EVI5L: variants seen among roughly 807,000 people sequenced by gnomAD.
EVI5L encodes ecotropic viral integration site 5 like, also known as EVI5-like protein.
Under a neutral mutation model 106.1 loss-of-function variants are expected in EVI5L, and 30 were observed. The observed-to-expected ratio is 0.28, with a 90% CI of 0.21 to 0.38. The LOEUF is 0.38. Ranked by LOEUF, EVI5L falls within the 10% of genes least tolerant of loss-of-function variation. The probability of loss-of-function intolerance (pLI) is 1.00; values close to 1 mark genes in which losing one functional copy is unlikely to be tolerated. For missense variants in EVI5L, 809 were observed against 1,098.0 expected, an observed-to-expected ratio of 0.74 and a Z score of 3.72; for synonymous variants, 489 against 483.3, an observed-to-expected ratio of 1.01 and a Z score of -0.15.
In EVI5L at chr19:7,857,484, C is replaced by T; in HGVS notation, c.1233+360C>T. On this transcript the variant is annotated intron_variant, in intron 12 of 19. Transcript: ENST00000538904. This position sits in a 1 kb window ranked among gnomAD's most constrained non-coding sequence, Gnocchi z 4.5. ...GCAGTGCTGCGGTCACACACACACA[C>T]AACACATGCACACACACACACGCAC... 2.2e-6 allele frequency: 1 copy of T among 445,912 alleles called. No homozygotes were observed. The highest frequency in any genetic ancestry group is 4.2e-6 in the Non-Finnish European group (1 of 240,528). The allele number at this position is 445,912 out of a possible 1,614,324, so 27.6% of individuals were successfully genotyped here.
Position 7,855,995 on chromosome 19 carries a change from A to T in EVI5L, c.1147-20A>T, listed in dbSNP as rs780566038. ...GGCGTGGGGGGCGGGCTATGACGTG[A>T]TCTCCCCCCACCCCCATAGAGACTT... On this transcript the variant is annotated intron_variant, in intron 10 of 19. Coordinates refer to ENST00000538904, the MANE Select transcript of EVI5L (RefSeq NM_001159944.3). 8 of 1,324,114 alleles carry T rather than the reference A, an allele frequency of 6.0e-6. No individual in the cohort carries two copies. Among genetic ancestry groups the T allele is most frequent in the Non-Finnish European group, 7.8e-6 (8 of 1,027,428 alleles). 82.0% of individuals were successfully genotyped at this position (1,324,114 alleles called of 1,614,324 possible).
rs749518327 is a variant in EVI5L, at chr19:7,863,410, G to A, written c.2140-14G>A. 27 of 1,531,884 alleles carry A rather than the reference G, an allele frequency of 1.8e-5. No homozygotes were observed. Among genetic ancestry groups the A allele is most frequent in the Non-Finnish European group, 2.4e-5 (27 of 1,139,864 alleles). 94.9% of individuals were successfully genotyped at this position (1,531,884 alleles called of 1,614,324 possible). On this transcript the variant is annotated splice_polypyrimidine_tract_variant and intron_variant, in intron 19 of 19. Transcript: ENST00000538904. This position sits in a 1 kb window ranked among gnomAD's most constrained non-coding sequence, Gnocchi z 7.7. ...AGGCCGGTCCACGCCTGCAGCGCCG[G>A]TCCCCCGCCCCAGGTGCGGCTGCTG... is the stretch of plus-strand genomic sequence containing the variant.
rs487089 is a variant in EVI5L at position 7,845,332 on chromosome 19, G to A, written c.-47-1164G>A. The stretch of plus-strand genomic sequence containing the variant: ...GAAGCATGAAGGAACACCATCCCCA[G>A]CCGCTGCCTCCACTCCCATAGCCGT... On this transcript the variant is annotated intron_variant, in intron 1 of 19. Transcript: ENST00000538904. This position sits in a 1 kb window ranked among gnomAD's most constrained non-coding sequence, Gnocchi z 4.0. Among the ~76,000 whole-genome samples, 18 of 152,210 alleles carry A rather than the reference G, an allele frequency of 1.2e-4. No homozygotes were observed. The East Asian group carries it at 3.1e-3, about 26-fold the overall frequency.
chr19:7,848,988 C>G lies in EVI5L; in HGVS notation c.395C>G (p.Thr132Arg). The G allele has an allele frequency of 6.2e-7, 1 of 1,613,558 alleles. No individual in the cohort carries two copies. Among genetic ancestry groups the G allele is most frequent in the Non-Finnish European group, 8.5e-7 (1 of 1,180,040 alleles). Residue 132 changes from threonine (T) to arginine (R), a missense_variant, in exon 4 of 20, where the codon ACG becomes AGG. Around this residue, in one of 2 missense-constraint regions of EVI5L, gnomAD observed 357 missense variants for 588.1 expected, o/e 0.61. Transcript: ENST00000538904. The surrounding 1 kb of genome is among the most constrained non-coding windows in gnomAD (Gnocchi z 4.8). ...AIVWQLLCSA[T>R]DMPVKNQYSE... ...GTGTGGCAGCTTCTGTGCAGCGCCA[C>G]GGACATGCCCGTCAAGAACCAGTAC...
intron 1 of EVI5L, among the ~76,000 whole-genome samples, chr19:7,836,923 G>C (rs1212547999): frequency 6.7e-6 from 1 of 149,456 alleles, no homozygotes; most frequent in Non-Finnish European, 1.5e-5. Flanking sequence ...ATGAGCCACC[G>C]CACCCAGCCT....
Position 7,862,254 on chromosome 19 carries a change from C to A in EVI5L, c.1777C>A (p.Arg593Ser). Reference protein sequence around the residue: ...ALAEGRELRQRVVELETQDHI... With the variant: ...ALAEGRELRQSVVELETQDHI... Reference sequence around the variant, plus strand: ...GGCCGAGGGCCGCGAGCTGCGGCAGCGCGTGGTGGAACTTGAGACGCAGGT... The same window carrying A: ...GGCCGAGGGCCGCGAGCTGCGGCAGAGCGTGGTGGAACTTGAGACGCAGGT... The change falls in exon 16 of 20, where the codon CGC (arginine) becomes AGC (serine). Residue 593 changes from arginine (R) to serine (S), a missense_variant. Coordinates refer to ENST00000538904, the MANE Select transcript of EVI5L (RefSeq NM_001159944.3). The A allele has an allele frequency of 6.3e-7, 1 of 1,577,570 alleles. No homozygotes were observed. Among genetic ancestry groups the A allele is most frequent in the Non-Finnish European group, 8.6e-7 (1 of 1,162,100 alleles).
chr19:7,853,383 G>T lies in EVI5L; in HGVS notation c.1146+50G>T, dbSNP rs564916351. 2.1e-5 allele frequency: 33 copies of T among 1,572,406 alleles called. No individual in the cohort carries two copies. The South Asian group carries it at 3.4e-4, about 16-fold the overall frequency. ...GGACAGGGATGGGAGGCCTTTGGGG[G>T]CTGCCCTCCGTACTCTAAAGATCGG... On this transcript the variant is annotated intron_variant, in intron 10 of 19. Coordinates refer to ENST00000538904, the MANE Select transcript of EVI5L (RefSeq NM_001159944.3).
At chr19:7,842,185 G>C (rs565991412) in intron 1 of EVI5L, among the ~76,000 whole-genome samples, 1 of 114,554 alleles carries the variant, frequency 8.7e-6, no homozygotes, top group African/African-American at 2.8e-5. Context: ...ATGTGCATGG[G>C]TGTGTGTGTT....
In EVI5L at chr19:7,853,190, G is replaced by A; in HGVS notation, c.1085+7G>A. 6.2e-7 allele frequency: 1 copy of A among 1,614,068 alleles called. No individual in the cohort carries two copies. The highest frequency in any genetic ancestry group is 2.2e-5 in the East Asian group (1 of 44,880). On this transcript the variant is annotated splice_region_variant and intron_variant, in intron 9 of 19. Transcript: ENST00000538904. ...ACCCCAAGAAGATGAAGAGGTCGGT[G>A]CCTGCTGGGCAACCAGGGTACTGGT...
At chr19:7,831,104 C>T (rs531466760) in intron 1 of EVI5L, among the ~76,000 whole-genome samples, 6 of 151,536 alleles carry the variant, frequency 4.0e-5, no homozygotes, top group African/African-American at 1.5e-4. Context: ...TCCACTGATC[C>T]TGCCCCATCT....
rs776486611 is a variant in EVI5L, at chr19:7,851,496, C to T, written c.816C>T (p.Ala272=). Residue 272 remains alanine (A), a synonymous_variant, in exon 7 of 20, where the codon GCC becomes GCT. Coordinates refer to ENST00000538904, the MANE Select transcript of EVI5L (RefSeq NM_001159944.3). ...AAAGCTTCCACACATCCATGTATGC[C>T]TCGTCCTGGTTCCTCACACTGTTCC... is the stretch of plus-strand genomic sequence containing the variant. ...RSQSFHTSMY[A]SSWFLTLFLT... is the part of the protein sequence containing the mutation. 1 of 1,613,590 alleles carries T rather than the reference C, an allele frequency of 6.2e-7. No homozygotes were observed. The highest frequency in any genetic ancestry group is 1.1e-5 in the South Asian group (1 of 90,912).
Position 7,863,742 on chromosome 19 carries a change from G to T in EVI5L, c.*40G>T, listed in dbSNP as rs1402509533. The T allele has an allele frequency of 4.2e-6, 6 of 1,428,354 alleles. No individual in the cohort carries two copies. The highest frequency in any genetic ancestry group is 1.5e-5 in the South Asian group (1 of 67,034). 88.5% of individuals were successfully genotyped at this position (1,428,354 alleles called of 1,614,324 possible). A position where few individuals can be genotyped will look rare whatever the true frequency, so the allele number is the denominator to read the frequency against. On this transcript the variant is annotated 3_prime_UTR_variant, in exon 20 of 20. Transcript: ENST00000538904. This position sits in a 1 kb window ranked among gnomAD's most constrained non-coding sequence, Gnocchi z 7.7. The stretch of plus-strand genomic sequence containing the variant: ...CGCCCGGAGTCAGGAGGCCGCAGCC[G>T]CGGGGGGCGCCCGGGCAGTCCGCGT...
intron 1 of EVI5L, among the ~76,000 whole-genome samples, chr19:7,831,226 A>AC (rs1978292117): frequency 3.1e-5 from 4 of 130,362 alleles, no homozygotes; most frequent in East Asian, 2.3e-4. Flanking sequence ...GAAAACCCCA[A>AC]ACACACACAC....
chr19:7,859,957 G>T (rs1348786810), intron 13 of EVI5L, among the ~76,000 whole-genome samples: 1 of 152,238 alleles, frequency 6.6e-6, no homozygotes, highest in Non-Finnish European at 1.5e-5. Flanking sequence ...AGGCCACAAG[G>T]TCAGTGAGAG....
At chr19:7,849,203 C>T in intron 4 of EVI5L, 53 bp from the exon 5 acceptor site, 1 of 1,613,180 alleles carries the variant, frequency 6.2e-7, no homozygotes, top group Non-Finnish European at 8.5e-7. Flanking sequence ...TTCCCCAGTT[C>T]ACCGGCTGTG....
At position 7,845,655 on chromosome 19, in the gene EVI5L, A is replaced by G. The variant is rs1243624203; in HGVS notation, c.-47-841A>G. ...GGAGCCATGCTTCAGACGCAGATCC[A>G]TTTGAGCCCAGTACCTTTGTTTTTG... On this transcript the variant is annotated intron_variant, in intron 1 of 19. Coordinates refer to ENST00000538904, the MANE Select transcript of EVI5L (RefSeq NM_001159944.3). The surrounding 1 kb of genome is among the most constrained non-coding windows in gnomAD (Gnocchi z 4.0). 6.6e-6 allele frequency among the ~76,000 whole-genome samples: 1 copy of G among 152,242 alleles called. No individual in the cohort carries two copies. The highest frequency in any genetic ancestry group is 1.5e-5 in the Non-Finnish European group (1 of 68,044).
At chr19:7,861,801 G>T in intron 14 of EVI5L, 77 bp from the exon 15 acceptor site, 1 of 1,523,850 alleles carries the variant, frequency 6.6e-7, no homozygotes. Flanking sequence ...AGGAAACGTG[G>T]CTGGGGGCGT....
intron 6 of EVI5L, among the ~76,000 whole-genome samples, chr19:7,851,073 C>T (rs1343852714): frequency 6.6e-6 from 1 of 152,134 alleles, no homozygotes. Flanking sequence ...CATGCTCCAC[C>T]TCTGGGTCTC....
chr19:7,852,403 C>G (rs954573379), intron 8 of EVI5L, among the ~76,000 whole-genome samples: 7 of 152,200 alleles, frequency 4.6e-5, no homozygotes, highest in Admixed American at 4.6e-4. Flanking sequence ...CTGTGTCCCC[C>G]CTGGGCTTAC....
Sources: gnomAD v4.1 joint callset for allele counts (sites outside exome capture counted in the v4.1 genomes callset) on GRCh38, gnomAD v4.1.1 for gene constraint, gnomAD v4.1.1 regional missense constraint, Gnocchi (gnomAD v3.1) non-coding constraint, MANE v1.5 for transcripts, NCBI Gene and HGNC (gene_info 2026-07-23, HGNC 2026-07-21) for gene names.